The following PCDHA1 variants were observed in gnomAD, a reference collection of about 807,000 sequenced individuals.
PCDHA1 encodes the protein protocadherin alpha-1.
PCDHA1 carries 42 observed loss-of-function variants against 61.3 expected under a neutral mutation model. That is an observed-to-expected ratio of 0.69 (90% CI 0.54 to 0.89). The LOEUF (loss-of-function observed/expected upper bound fraction) is 0.89, where lower values mean the gene tolerates loss of function less well. Ranked by LOEUF, PCDHA1 falls within the 40% of genes least tolerant of loss-of-function variation. The pLI, the probability that PCDHA1 is intolerant of heterozygous loss-of-function variation, is 0.00. For synonymous variants in PCDHA1, 610 were observed against 553.8 expected (o/e 1.10, Z -1.43); for missense variants, 1,256 against 1,235.3 (o/e 1.02, Z -0.25).
At chr5:140,926,281 T>A (rs2083071196) in intron 1 of PCDHA1, 1 of 152,306 alleles carries the variant, frequency 6.6e-6, no homozygotes, top group African/African-American at 2.4e-5. Context: ...GCTCGGCAGC[T>A]CCACGCTGAG....
rs2150240930 is a variant in PCDHA1 at position 140,835,656 on chromosome 5, G to A, written c.2394+46972G>A. The A allele has an allele frequency of 1.2e-4, 192 of 1,613,824 alleles. 3 individuals carry two copies. Among genetic ancestry groups the A allele is most frequent in the Non-Finnish European group, 1.5e-4 (179 of 1,179,886 alleles). On this transcript the variant is annotated intron_variant, in intron 1 of 3. Coordinates refer to ENST00000504120, the MANE Select transcript of PCDHA1 (RefSeq NM_018900.4). The stretch of plus-strand genomic sequence containing the variant: ...GAGTGTGTCCGCCTATGAGCTGGTG[G>A]TTACCGCGCGGGACGGGGGCTCGCC...
At chr5:140,924,751 C>T (rs1554202122) in intron 1 of PCDHA1, among the ~76,000 whole-genome samples, 39 of 151,566 alleles carry the variant, frequency 2.6e-4, no homozygotes, top group Non-Finnish European at 5.2e-4. Context: ...AAAAATTAAC[C>T]GAGCATGGTG....
intron 1 of PCDHA1, chr5:140,836,570 G>A (rs1294838200): frequency 6.2e-6 from 10 of 1,613,682 alleles, no homozygotes; most frequent in Non-Finnish European, 7.6e-6. Flanking sequence ...CGTCCTCTGA[G>A]GGCGCATGTA....
intron 1 of PCDHA1, among the ~76,000 whole-genome samples, chr5:140,971,300 A>T (rs555201828): frequency 2.0e-5 from 3 of 152,380 alleles, no homozygotes; most frequent in African/African-American, 7.2e-5. Flanking sequence ...ACTTTGGTAC[A>T]CAAACATTTA....
At chr5:140,875,568 C>G in intron 1 of PCDHA1, 2 of 1,614,114 alleles carry the variant, frequency 1.2e-6, no homozygotes, top group Non-Finnish European at 1.7e-6. Context: ...GCCAGCTCCA[C>G]TACTCCGTCT....
intron 1 of PCDHA1, chr5:140,968,816 G>A: frequency 6.2e-7 from 1 of 1,614,144 alleles, no homozygotes. Context: ...GGTGGATAGG[G>A]TTTCCAAAAT....
intron 1 of PCDHA1, among the ~76,000 whole-genome samples, chr5:140,922,977 G>C (rs935363543): frequency 3.9e-5 from 6 of 152,204 alleles, no homozygotes; most frequent in Non-Finnish European, 5.9e-5. Context: ...GCATATCTCA[G>C]ACAATAGGCA....
intron 1 of PCDHA1, chr5:140,809,430 G>A (rs1554125207): frequency 6.2e-7 from 1 of 1,614,214 alleles, no homozygotes. Context: ...GTGGGGAGCT[G>A]GTCATACTCG....
intron 1 of PCDHA1, chr5:140,868,295 T>C (rs569295401): frequency 6.6e-6 from 1 of 152,272 alleles, no homozygotes; most frequent in African/African-American, 2.4e-5. Context: ...AGAATATGAA[T>C]ATATTTGTTT....
chr5:140,807,955 T>G (rs373945193), intron 1 of PCDHA1: 167 of 1,612,616 alleles, frequency 1.0e-4, no homozygotes, highest in Middle Eastern at 1.6e-4. Flanking sequence ...AAAATGTTCC[T>G]AATGGAACAT....
At chr5:140,836,957 G>T (rs193007351) in intron 1 of PCDHA1, 3 of 414,634 alleles carry the variant, frequency 7.2e-6, no homozygotes, top group African/African-American at 4.1e-5. Context: ...TATGGTTTAT[G>T]TTGGCTACTC....
chr5:140,788,725 T>C (rs527618969), intron 1 of PCDHA1, 41 bp downstream of exon 1: 2 of 1,503,164 alleles, frequency 1.3e-6, no homozygotes, highest in African/African-American at 2.8e-5. Flanking sequence ...ATATTTTTCA[T>C]ATTTAACTTG....
chr5:140,798,624 T>C (rs1762346188), intron 1 of PCDHA1, among the ~76,000 whole-genome samples: 1 of 152,200 alleles, frequency 6.6e-6, no homozygotes, highest in Non-Finnish European at 1.5e-5. Flanking sequence ...GAATACATTT[T>C]CCATTAATGT....
intron 1 of PCDHA1, chr5:140,927,831 G>T: frequency 6.2e-7 from 1 of 1,614,186 alleles, no homozygotes; most frequent in Non-Finnish European, 8.5e-7. Flanking sequence ...TTGAGGCGAG[G>T]GACGAAGGTG....
In PCDHA1 at chr5:140,967,846, C is replaced by T. The variant is rs151021111; in HGVS notation, c.2395-11103C>T. ...TGGTGGACATCGTGGACGTGAATGA[C>T]AATGCCCCAGAGGTGGTGCTCACGG... On this transcript the variant is annotated intron_variant, in intron 1 of 3. Coordinates refer to ENST00000504120, the MANE Select transcript of PCDHA1 (RefSeq NM_018900.4). 708 of 1,614,166 alleles carry T rather than the reference C, an allele frequency of 4.4e-4. 2 individuals are homozygous for T. Among genetic ancestry groups the T allele is most frequent in the Middle Eastern group, 2.8e-3 (17 of 6,062 alleles).
intron 1 of PCDHA1, chr5:140,828,582 C>T: frequency 6.2e-7 from 1 of 1,614,224 alleles, no homozygotes; most frequent in South Asian, 1.1e-5. Context: ...GATGTTGGCT[C>T]AAATTCCATC....
chr5:140,961,887 G>GTT (rs35680913), intron 1 of PCDHA1, among the ~76,000 whole-genome samples: 78 of 143,932 alleles, frequency 5.4e-4, no homozygotes, highest in African/African-American at 1.2e-3. Flanking sequence ...ACTTACATCA[G>GTT]TTTTTTTTTT....
At chr5:140,829,902 A>T (rs2150177390) in intron 1 of PCDHA1, 1 of 1,613,948 alleles carries the variant, frequency 6.2e-7, no homozygotes, top group Non-Finnish European at 8.5e-7. Flanking sequence ...TCAGGCTACA[A>T]CGCGTGGCTT....
intron 1 of PCDHA1, among the ~76,000 whole-genome samples, chr5:140,886,521 C>A (rs1056353739): frequency 5.9e-5 from 9 of 152,038 alleles, no homozygotes; most frequent in African/African-American, 1.9e-4. Flanking sequence ...TTAAGGTCTG[C>A]ATATTCAGTT....
Sources: gnomAD v4.1 joint callset for allele counts (sites outside exome capture counted in the v4.1 genomes callset) on GRCh38, gnomAD v4.1.1 for gene constraint, MANE v1.5 for transcripts, NCBI Gene and HGNC (gene_info 2026-07-23, HGNC 2026-07-21) for gene names.